Variants in RNPEP observed in about 807,000 individuals in gnomAD.
RNPEP encodes the protein aminopeptidase B.
Under a neutral mutation model 70.1 loss-of-function variants are expected in RNPEP, and 57 were observed. The ratio of observed to expected loss-of-function variants is 0.81; its 90% CI spans 0.66 to 1.01. RNPEP has a LOEUF of 1.01. RNPEP is among the 50% of genes least tolerant of loss of function. The pLI is 0.00. For synonymous variants in RNPEP, 335 were observed against 357.4 expected (o/e 0.94, Z 0.71); for missense variants, 787 against 852.4 (o/e 0.92, Z 0.96).
chr1:201,993,889 G>A (rs1474910997), intron 3 of RNPEP, among the ~76,000 whole-genome samples: 1 of 151,962 alleles, frequency 6.6e-6, no homozygotes, highest in Non-Finnish European at 1.5e-5. Flanking sequence ...ATACGCACTG[G>A]CTGCACTTCT....
At chr1:202,005,238 G>A (rs77490065) in intron 10 of RNPEP, among the ~76,000 whole-genome samples, 7,051 of 152,260 alleles carry the variant, frequency 0.046, 258 homozygotes, top group South Asian at 0.081. Context: ...TGCTATTCAC[G>A]TGGTGGCTCA....
chr1:201,988,474 A>AAC (rs1477012866), intron 1 of RNPEP, among the ~76,000 whole-genome samples: 1 of 150,720 alleles, frequency 6.6e-6, no homozygotes, highest in Non-Finnish European at 1.5e-5. Context: ...AAAAAAAAAA[A>AAC]AAAAAAAAAC....
intron 8 of RNPEP, 76 bp downstream of exon 8, chr1:202,001,843 T>C: frequency 1.0e-6 from 1 of 1,001,696 alleles, no homozygotes; most frequent in Non-Finnish European, 1.6e-6. Context: ...GGAAAGATGG[T>C]GGTGGATGGG....
At position 201,999,980 on chromosome 1, in the gene RNPEP, AC is replaced by A; in HGVS notation, c.1172del (p.Pro391HisfsTer7). 1 of 1,613,772 alleles carries A rather than the reference AC, an allele frequency of 6.2e-7. No homozygotes were observed. Among genetic ancestry groups the A allele is most frequent in the Non-Finnish European group, 8.5e-7 (1 of 1,179,874 alleles). On this transcript the variant is annotated frameshift_variant, in exon 6 of 11. Coordinates refer to ENST00000295640, the MANE Select transcript of RNPEP (RefSeq NM_020216.4). LOFTEE classifies it high-confidence loss of function. ...RQHMDITGEENPLNKLRVKIE... is the reference protein window; with the variant it reads ...RQHMDITGEEXPLNKLRVKIE... ...CACATGGACATCACTGGAGAGGAAA[AC>A]CCACTCAACAAGCTCCGCGTGAAGA...
Position 201,984,821 on chromosome 1 carries a change from C to CTT in RNPEP, c.447+1743_447+1744dup, listed in dbSNP as rs200795347. 6.4e-4 allele frequency among the ~76,000 whole-genome samples: 78 copies of CTT among 121,994 alleles called. 2 individuals carry two copies. The highest frequency in any genetic ancestry group is 9.7e-4 in the African/African-American group (30 of 30,972). The allele number at this position is 121,994 out of a possible 152,430, so 80.0% of individuals were successfully genotyped here. On this transcript the variant is annotated intron_variant, in intron 1 of 10. Coordinates refer to ENST00000295640, the MANE Select transcript of RNPEP (RefSeq NM_020216.4). ...TTACTGCTAACTTTTGTATTTCTTTCTTTTTTTTTTTTTTTTTTTTTTTTT... is the reference window on the plus strand; with the variant it reads ...TTACTGCTAACTTTTGTATTTCTTTCTTTTTTTTTTTTTTTTTTTTTTTTTTT...
At chr1:201,992,426 G>A (rs1298121553) in intron 3 of RNPEP, among the ~76,000 whole-genome samples, 1 of 152,066 alleles carries the variant, frequency 6.6e-6, no homozygotes, top group Non-Finnish European at 1.5e-5. Context: ...CCTAGACATC[G>A]TCATTGTCAT....
Position 201,997,377 on chromosome 1 carries a change from C to T in RNPEP, c.913C>T (p.Leu305=). ...FPFGGMENPC[L]TFVTPCLLAG... is the part of the protein sequence containing the mutation. ...ATTTGGAGGAATGGAGAACCCTTGT[C>T]TGACCTTTGTCACCCCCTGCCTGCT... The change falls in exon 5 of 11, where the codon CTG becomes TTG. Residue 305 remains leucine, a synonymous_variant. Coordinates refer to ENST00000295640, the MANE Select transcript of RNPEP (RefSeq NM_020216.4). The T allele has an allele frequency of 1.2e-6, 2 of 1,614,154 alleles. No homozygotes were observed. The highest frequency in any genetic ancestry group is 1.7e-6 in the Non-Finnish European group (2 of 1,180,032).
chr1:201,983,148 GCCTGCCC>G, intron 1 of RNPEP, 35 bp downstream of exon 1: 1 of 1,436,358 alleles, frequency 7.0e-7, no homozygotes, highest in South Asian at 1.5e-5. Flanking sequence ...GCCGCTGCCT[GCCTGCCC>G]TTCCGGCCCC....
At position 202,004,446 on chromosome 1, in the gene RNPEP, A is replaced by G; in HGVS notation, c.1744A>G (p.Asn582Asp). The change falls in exon 10 of 11, where the codon AAC becomes GAC. Residue 582 changes from asparagine (N) to aspartate (D), a missense_variant. Asn to Asp is a conservative substitution (Grantham distance 23). Transcript: ENST00000295640. ...RLRWGQIVLK[N>D]DHQEDFWKVK... ...GCGATGGGGCCAAATCGTCCTTAAG[A>G]ACGACCACCAGGAAGATTTCTGGAA... The G allele has an allele frequency of 6.2e-7, 1 of 1,614,114 alleles. No individual in the cohort carries two copies. Among genetic ancestry groups the G allele is most frequent in the Non-Finnish European group, 8.5e-7 (1 of 1,180,024 alleles).
At chr1:201,996,038 A>C (rs752858516) in intron 3 of RNPEP, 109 bp from the exon 4 acceptor site, 1 of 776,572 alleles carries the variant, frequency 1.3e-6, no homozygotes, top group Non-Finnish European at 2.2e-6. Flanking sequence ...GGCTGACTGC[A>C]TTGTCACATT....
intron 8 of RNPEP, 138 bp from the exon 9 acceptor site, chr1:202,003,099 T>C: frequency 6.3e-6 from 4 of 636,278 alleles, no homozygotes. Flanking sequence ...AATAGTTACA[T>C]GGGAAAGTAA....
intron 1 of RNPEP, among the ~76,000 whole-genome samples, chr1:201,988,310 G>A (rs1253621591): frequency 1.3e-5 from 2 of 150,448 alleles, no homozygotes; most frequent in African/African-American, 2.4e-5. Flanking sequence ...ACAAAAATTA[G>A]CTGGACTTGG....
chr1:201,982,901 C>A lies in RNPEP; in HGVS notation c.235C>A (p.Arg79=), dbSNP rs1280237963. The A allele has an allele frequency of 6.9e-7, 1 of 1,441,482 alleles. No homozygotes were observed. Among genetic ancestry groups the A allele is most frequent in the South Asian group, 1.4e-5 (1 of 69,550 alleles). 89.3% of individuals were successfully genotyped at this position (1,441,482 alleles called of 1,614,324 possible). Residue 79 remains arginine, a synonymous_variant, in exon 1 of 11, where the codon CGG becomes AGG. Transcript: ENST00000295640. ...CLEPEGAAEL[R]LDSHPCLEVT... ...GGAGCCCGAGGGCGCCGCCGAGCTG[C>A]GGCTGGACTCGCACCCGTGCCTGGA... is the stretch of plus-strand genomic sequence containing the variant.
chr1:201,982,732 T>A lies in RNPEP; in HGVS notation c.66T>A (p.Ala22=). 7.2e-7 allele frequency: 1 copy of A among 1,392,292 alleles called. No homozygotes were observed. The highest frequency in any genetic ancestry group is 9.3e-7 in the Non-Finnish European group (1 of 1,071,466). 86.2% of individuals were successfully genotyped at this position (1,392,292 alleles called of 1,614,324 possible). Residue 22 remains alanine (A), a synonymous_variant, in exon 1 of 11, where the codon GCT becomes GCA. Transcript: ENST00000295640. ...GGCGGCCGCTGCACTCCGCGCAGGC[T>A]GTGGACGTGGCCTCGGCCTCCAACT... ...AARRPLHSAQ[A]VDVASASNFR... is the part of the protein sequence containing the mutation.
chr1:201,999,869 TTTTCCC>T, intron 5 of RNPEP, 27 bp from the exon 6 acceptor site: 1 of 1,569,512 alleles, frequency 6.4e-7, no homozygotes, highest in Non-Finnish European at 8.7e-7. Context: ...GTGACAGACG[TTTTCCC>T]GAGGCTTACG....
At chr1:201,983,514 GAGGT>G (rs1440111358) in intron 1 of RNPEP, 1 of 1,330,936 alleles carries the variant, frequency 7.5e-7, no homozygotes, top group Admixed American at 2.3e-5. Context: ...CTTTTGGGCC[GAGGT>G]ACCTGATTAT....
chr1:201,982,970 G>A lies in RNPEP; in HGVS notation c.304G>A (p.Glu102Lys). Reference protein sequence around the residue: ...ALRRERPGSEEPPAEPVSFYT... With the variant: ...ALRRERPGSEKPPAEPVSFYT... ...GCGGCGGGAGCGGCCCGGCTCGGAG[G>A]AGCCGCCTGCGGAGCCCGTGAGCTT... Residue 102 changes from glutamate (E) to lysine (K), a missense_variant, in exon 1 of 11, where the codon GAG (glutamate) becomes AAG (lysine). Coordinates refer to ENST00000295640, the MANE Select transcript of RNPEP (RefSeq NM_020216.4). 6 of 1,506,772 alleles carry A rather than the reference G, an allele frequency of 4.0e-6. No homozygotes were observed. Among genetic ancestry groups the A allele is most frequent in the Non-Finnish European group, 5.3e-6 (6 of 1,130,640 alleles). 93.3% of individuals were successfully genotyped at this position (1,506,772 alleles called of 1,614,324 possible).
rs1338981550 is a variant in RNPEP, at chr1:201,996,144, T to C, written c.738-3T>C. 2 of 1,612,052 alleles carry C rather than the reference T, an allele frequency of 1.2e-6. No individual in the cohort carries two copies. Among genetic ancestry groups the C allele is most frequent in the African/African-American group, 2.7e-5 (2 of 74,902 alleles). On this transcript the variant is annotated splice_region_variant and splice_polypyrimidine_tract_variant and intron_variant, in intron 3 of 10. Coordinates refer to ENST00000295640, the MANE Select transcript of RNPEP (RefSeq NM_020216.4). The stretch of plus-strand genomic sequence containing the variant: ...TCTGCTTTCTCTGCTCTCTTGTCTT[T>C]AGGAGCCGGGTGTGGGCTGAGCCCT...
At chr1:202,004,518 G>A (rs763962074) in intron 10 of RNPEP, 22 bp downstream of exon 10, 1 of 1,610,812 alleles carries the variant, frequency 6.2e-7, no homozygotes, top group Non-Finnish European at 8.5e-7. Context: ...CTGCCTCGCT[G>A]TTCCCGAAAG....
Sources: allele counts gnomAD v4.1 joint callset (sites outside exome capture counted in the v4.1 genomes callset), GRCh38; gene constraint gnomAD v4.1.1; transcripts MANE v1.5; gene names NCBI Gene and HGNC (gene_info 2026-07-23, HGNC 2026-07-21).